The following MKI67 variants were observed in gnomAD, a reference collection of about 807,000 sequenced individuals.
MKI67 encodes the protein marker of proliferation Ki-67, also known as proliferation marker protein Ki-67.
MKI67 carries 152 observed loss-of-function variants against 233.5 expected under a neutral mutation model. The observed-to-expected ratio is 0.65, with a 90% CI of 0.57 to 0.74. The LOEUF (loss-of-function observed/expected upper bound fraction) is 0.74. Among genes scored for constraint, MKI67 ranks in the 30% least tolerant of loss-of-function variants. The probability of loss-of-function intolerance (pLI) is 0.00; values close to 1 mark genes in which losing one functional copy is unlikely to be tolerated. For missense variants in MKI67, 3,940 were observed against 3,885.2 expected, an observed-to-expected ratio of 1.01 and a Z score of -0.37; for synonymous variants, 1,465 against 1,418.5, an observed-to-expected ratio of 1.03 and a Z score of -0.74.
In MKI67 at chr10:128,107,122, C is replaced by A. The variant is rs1395993266; in HGVS notation, c.4718G>T (p.Arg1573Ile). The A allele has an allele frequency of 1.2e-6, 2 of 1,612,398 alleles. No individual in the cohort carries two copies. The highest frequency in any genetic ancestry group is 3.3e-5 in the Admixed American group (2 of 59,808). The change falls in exon 13 of 15, where the codon AGA (arginine) becomes ATA (isoleucine). Residue 1573 changes from arginine (R) to isoleucine (I), a missense_variant. Physicochemically the swap from Arg to Ile is moderately conservative, Grantham distance 97 (BLOSUM62 -3). Coordinates refer to ENST00000368654, the MANE Select transcript of MKI67 (RefSeq NM_002417.5). ...DLTENLTGSKRRLQTPKEKAQ... is the reference protein window; with the variant it reads ...DLTENLTGSKIRLQTPKEKAQ... ...CTTTTCCTTAGGAGTTTGTAGCCGT[C>A]TCTTGCTGCCAGTTAAGTTCTCTGT...
In MKI67 at chr10:128,108,197, T is replaced by C. The variant is rs565528628; in HGVS notation, c.3643A>G (p.Lys1215Glu). The change falls in exon 13 of 15, where the codon AAG (lysine) becomes GAG (glutamate). Residue 1215 changes from lysine (K) to glutamate (E), a missense_variant. Coordinates refer to ENST00000368654, the MANE Select transcript of MKI67 (RefSeq NM_002417.5). Reference sequence around the variant, plus strand: ...TCTTCTAGAGCCTGGGCCTTTTCCTTAGGAGTCTGTAGCTGTCTTTTGCTG... The same window carrying C: ...TCTTCTAGAGCCTGGGCCTTTTCCTCAGGAGTCTGTAGCTGTCTTTTGCTG... ...PGSKRQLQTP[K>E]EKAQALEDLA... is the part of the protein sequence containing the mutation. 5.0e-6 allele frequency: 8 copies of C among 1,613,284 alleles called. No homozygotes were observed. Among genetic ancestry groups the C allele is most frequent in the East Asian group, 4.5e-5 (2 of 44,820 alleles).
Position 128,107,488 on chromosome 10 carries a change from C to T in MKI67, c.4352G>A (p.Ser1451Asn). The part of the protein sequence containing the change: ...KLDPAASVTG[S>N]KRHPKTKEKA... ...TTCCTTAGTTTTTGGGTGCCTCTTGCTACCAGTTACACTTGCTGCTGGGTC... is the reference window on the plus strand; with the variant it reads ...TTCCTTAGTTTTTGGGTGCCTCTTGTTACCAGTTACACTTGCTGCTGGGTC... The change falls in exon 13 of 15, where the codon AGC (serine) becomes AAC (asparagine). Residue 1451 changes from serine to asparagine, a missense_variant. By Grantham distance (46) the Ser-to-Asn change is conservative. Coordinates refer to ENST00000368654, the MANE Select transcript of MKI67 (RefSeq NM_002417.5). 8 of 1,612,010 alleles carry T rather than the reference C, an allele frequency of 5.0e-6. No individual in the cohort carries two copies. The highest frequency in any genetic ancestry group is 5.9e-6 in the Non-Finnish European group (7 of 1,179,894).
chr10:128,105,862 G>T lies in MKI67; in HGVS notation c.5978C>A (p.Thr1993Lys). The T allele has an allele frequency of 1.2e-6, 2 of 1,614,098 alleles. No homozygotes were observed. The highest frequency in any genetic ancestry group is 1.7e-6 in the Non-Finnish European group (2 of 1,180,022). Reference sequence around the variant, plus strand: ...TATCTTGAGTCGTTGCTTGGAGCTTGTTGGGGTTTTGACTGGGTCTGGTTG... The same window carrying T: ...TATCTTGAGTCGTTGCTTGGAGCTTTTTGGGGTTTTGACTGGGTCTGGTTG... ...SPQPDPVKTP[T>K]SSKQRLKISL... is the part of the protein sequence containing the mutation. Residue 1993 changes from threonine to lysine, a missense_variant, in exon 13 of 15, where the codon ACA becomes AAA. By Grantham distance (78) the Thr-to-Lys change is moderately conservative (BLOSUM62 -1). Coordinates refer to ENST00000368654, the MANE Select transcript of MKI67 (RefSeq NM_002417.5).
At position 128,119,309 on chromosome 10, in the gene MKI67, C is replaced by T; in HGVS notation, c.298G>A (p.Glu100Lys). ...GACTTCCTTCCATTCTGAAGACTTT[C>T]ATTTTCATACCTGCAGTTTATAGAA... The part of the protein sequence containing the change: ...IIDRSFRYEN[E>K]SLQNGRKSTE... Residue 100 changes from glutamate (E) to lysine (K), a missense_variant, in exon 5 of 15, where the codon GAA becomes AAA. Glu to Lys is a moderately conservative substitution (Grantham distance 56, BLOSUM62 1). Coordinates refer to ENST00000368654, the MANE Select transcript of MKI67 (RefSeq NM_002417.5). 1 of 1,602,750 alleles carries T rather than the reference C, an allele frequency of 6.2e-7. No individual in the cohort carries two copies. The highest frequency in any genetic ancestry group is 8.5e-7 in the Non-Finnish European group (1 of 1,170,112).
At chr10:128,100,574 C>T (rs1852315939) in intron 14 of MKI67, among the ~76,000 whole-genome samples, 1 of 152,096 alleles carries the variant, frequency 6.6e-6, no homozygotes, top group East Asian at 1.9e-4. Context: ...AAAAAGGGAG[C>T]AATTCAACCT....
intron 14 of MKI67, 71 bp from the exon 15 acceptor site, chr10:128,099,326 C>T: frequency 8.3e-7 from 1 of 1,209,146 alleles, no homozygotes; most frequent in Non-Finnish European, 1.2e-6. Context: ...ACCTCCTCTG[C>T]AAAACCCCAA....
chr10:128,102,856 G>A lies in MKI67; in HGVS notation c.8984C>T (p.Pro2995Leu). The A allele has an allele frequency of 6.2e-7, 1 of 1,614,194 alleles. No individual in the cohort carries two copies. The part of the protein sequence containing the change: ...SKSNTSLPPL[P>L]FKRGGGKDGS... ...ATCTTTGCCACCTCCCCTCTTGAAGGGCAGTGGGGGCAGGGAAGTGTTGCT... is the reference window on the plus strand; with the variant it reads ...ATCTTTGCCACCTCCCCTCTTGAAGAGCAGTGGGGGCAGGGAAGTGTTGCT... Residue 2995 changes from proline to leucine, a missense_variant, in exon 13 of 15, where the codon CCC becomes CTC. Pro to Leu is a moderately conservative substitution (Grantham distance 98). Transcript: ENST00000368654.
intron 11 of MKI67, among the ~76,000 whole-genome samples, chr10:128,111,045 T>G (rs1852663965): frequency 6.6e-6 from 1 of 152,220 alleles, no homozygotes; most frequent in Admixed American, 6.5e-5. Flanking sequence ...TCATTATCAT[T>G]CTGTTTGGAA....
intron 2 of MKI67, among the ~76,000 whole-genome samples, chr10:128,123,436 T>C (rs1852992746): frequency 6.6e-6 from 1 of 152,242 alleles, no homozygotes; most frequent in Admixed American, 6.5e-5. Flanking sequence ...ACCTTTTATA[T>C]GAAAAGCTAT....
chr10:128,123,995 T>G (rs1853006693), intron 2 of MKI67, among the ~76,000 whole-genome samples: 1 of 152,240 alleles, frequency 6.6e-6, no homozygotes, highest in Admixed American at 6.5e-5. Context: ...TGCAATGGCC[T>G]GTCTGTTCTC....
In MKI67 at chr10:128,109,382, G is replaced by C; in HGVS notation, c.2458C>G (p.Pro820Ala). 1 of 1,613,930 alleles carries C rather than the reference G, an allele frequency of 6.2e-7. No homozygotes were observed. The highest frequency in any genetic ancestry group is 8.5e-7 in the Non-Finnish European group (1 of 1,179,918). ...FFSAQNAAKQ[P>A]SDKCSASPPL... ...GGGCTTGCAGAGCATTTATCAGATG[G>C]CTGTTTTGCTGCATTCTGTGCACTG... The change falls in exon 13 of 15, where the codon CCA (proline) becomes GCA (alanine). Residue 820 changes from proline to alanine, a missense_variant. Physicochemically the swap from Pro to Ala is conservative, Grantham distance 27. Transcript: ENST00000368654.
rs779352512 is a variant in MKI67 at position 128,104,162 on chromosome 10, C to T, written c.7678G>A (p.Val2560Ile). ...KEKARALEDL[V>I]DFKELFSAPG... The stretch of plus-strand genomic sequence containing the variant: ...GCTGAGAAGAGCTCTTTGAAGTCAA[C>T]CAGGTCTTCTAGAGCACGGGCCTTT... The change falls in exon 13 of 15, where the codon GTT becomes ATT. Residue 2560 changes from valine to isoleucine, a missense_variant. By Grantham distance (29) the Val-to-Ile change is conservative (BLOSUM62 3). Transcript: ENST00000368654. 3 of 1,613,970 alleles carry T rather than the reference C, an allele frequency of 1.9e-6. No homozygotes were observed. The highest frequency in any genetic ancestry group is 1.7e-5 in the Admixed American group (1 of 59,994).
rs1349339245 is a variant in MKI67 at position 128,099,253 on chromosome 10, A to C, written c.9708T>G (p.Ala3236=). The C allele has an allele frequency of 6.2e-7, 1 of 1,611,896 alleles. No homozygotes were observed. The highest frequency in any genetic ancestry group is 1.3e-5 in the African/African-American group (1 of 74,854). ...VKRCAENPKK[A]EDNVCVKKIR... ...TTTTCTTGACACACACATTGTCCTCAGCCTGTGTGGGAAGAAAAAAAATAG... is the reference window on the plus strand; with the variant it reads ...TTTTCTTGACACACACATTGTCCTCCGCCTGTGTGGGAAGAAAAAAAATAG... The change falls in exon 15 of 15, where the codon GCT becomes GCG. Residue 3236 remains alanine, a splice_region_variant and synonymous_variant. Transcript: ENST00000368654.
chr10:128,115,654 A>G lies in MKI67; in HGVS notation c.754T>C (p.Ser252Pro). ...ESVKKELDVK[S>P]QKENVLQYCR... Reference sequence around the variant, plus strand: ...TACTGTAGGACATTTTCTTTTTGTGATTTTACATCCAACTCTTTCTTCACT... The same window carrying G: ...TACTGTAGGACATTTTCTTTTTGTGGTTTTACATCCAACTCTTTCTTCACT... Residue 252 changes from serine (S) to proline (P), a missense_variant, in exon 7 of 15, where the codon TCA becomes CCA. Ser to Pro is a moderately conservative substitution (Grantham distance 74, BLOSUM62 -1). Transcript: ENST00000368654. 1 of 1,613,312 alleles carries G rather than the reference A, an allele frequency of 6.2e-7. No homozygotes were observed. The highest frequency in any genetic ancestry group is 8.5e-7 in the Non-Finnish European group (1 of 1,179,894).
rs769829318 is a variant in MKI67, at chr10:128,105,134, T to A, written c.6706A>T (p.Lys2236Ter). 1 of 1,613,758 alleles carries A rather than the reference T, an allele frequency of 6.2e-7. No homozygotes were observed. The highest frequency in any genetic ancestry group is 2.2e-5 in the East Asian group (1 of 44,840). Residue 2236 changes from lysine (K) to a stop codon, truncating the protein, a stop_gained, in exon 13 of 15, where the codon AAG (lysine) becomes TAG (stop). Transcript: ENST00000368654. LOFTEE classifies it high-confidence loss of function. ...CTGAGACTTCTCTTGGACTGTGGCTTGAAGATTGTTGGGGTACCCACTGGG... is the reference window on the plus strand; with the variant it reads ...CTGAGACTTCTCTTGGACTGTGGCTAGAAGATTGTTGGGGTACCCACTGGG... Reference protein sequence around the residue: ...PDPVGTPTIFKPQSKRSLRKA... With the variant: ...PDPVGTPTIF
rs142228417 is a variant in MKI67 at position 128,101,443 on chromosome 10, C to G, written c.9520G>C (p.Gly3174Arg). 5.6e-6 allele frequency: 9 copies of G among 1,614,114 alleles called. No homozygotes were observed. Among genetic ancestry groups the G allele is most frequent in the Admixed American group, 3.3e-5 (2 of 60,006 alleles). ...SSQPKVAEES[G>R]GQKSAKVLMQ... is the part of the protein sequence containing the mutation. ...AGAACCTTCGCACTCTTCTGCCCTC[C>G]GCTCTCCTCTGCCACCTTAGGCTGG... is the stretch of plus-strand genomic sequence containing the variant. The change falls in exon 14 of 15, where the codon GGA becomes CGA. Residue 3174 changes from glycine to arginine, a missense_variant. Gly to Arg is a moderately radical substitution (Grantham distance 125). Transcript: ENST00000368654.
intron 14 of MKI67, 103 bp downstream of exon 14, chr10:128,101,155 T>G: frequency 9.6e-7 from 1 of 1,040,038 alleles, no homozygotes; most frequent in South Asian, 1.6e-5. Context: ...GCTGGCAGAG[T>G]GCTGTTGAAG....
In MKI67 at chr10:128,103,420, G is replaced by C; in HGVS notation, c.8420C>G (p.Ala2807Gly). 6.2e-7 allele frequency: 1 copy of C among 1,613,858 alleles called. No individual in the cohort carries two copies. Among genetic ancestry groups the C allele is most frequent in the South Asian group, 1.1e-5 (1 of 91,066 alleles). ...CATTGATTCTTCAGTGTGACCTGCT[G>C]CTGGGTCTTTGAAGCCAGCTAGGTC... Reference protein sequence around the residue: ...IEDLAGFKDPAAGHTEESMTD... With the variant: ...IEDLAGFKDPGAGHTEESMTD... The change falls in exon 13 of 15, where the codon GCA (alanine) becomes GGA (glycine). Residue 2807 changes from alanine (A) to glycine (G), a missense_variant. By Grantham distance (60) the Ala-to-Gly change is moderately conservative. Transcript: ENST00000368654.
intron 5 of MKI67, among the ~76,000 whole-genome samples, chr10:128,116,947 C>T (rs939415755): frequency 6.6e-6 from 1 of 152,142 alleles, no homozygotes; most frequent in Non-Finnish European, 1.5e-5. Flanking sequence ...GTTTTCTTTA[C>T]CAAACCACTC....
Sources: gnomAD v4.1 joint callset for allele counts (sites outside exome capture counted in the v4.1 genomes callset) on GRCh38, gnomAD v4.1.1 for gene constraint, MANE v1.5 for transcripts, NCBI Gene and HGNC (gene_info 2026-07-23, HGNC 2026-07-21) for gene names.